Variants in FAM168A observed in about 807,000 individuals in gnomAD.
FAM168A encodes the protein family with sequence similarity 168 member A, also known as protein FAM168A.
Under a neutral mutation model 28.5 loss-of-function variants are expected in FAM168A, and 3 were observed. That is an observed-to-expected ratio of 0.11 (90% CI 0.05 to 0.27). FAM168A has a LOEUF of 0.27. FAM168A is among the 10% of genes least tolerant of loss of function. The pLI, the probability that FAM168A is intolerant of heterozygous loss-of-function variation, is 1.00. For synonymous variants in FAM168A, 122 were observed against 124.2 expected (o/e 0.98, Z 0.12); for missense variants, 222 against 311.5 (o/e 0.71, Z 2.16).
chr11:73,555,433 G>A (rs977407693), intron 1 of FAM168A, among the ~76,000 whole-genome samples: 6 of 152,048 alleles, frequency 3.9e-5, no homozygotes, highest in Admixed American at 3.3e-4. Flanking sequence ...AAGGCACAAA[G>A]GAAAAATGGG....
intron 1 of FAM168A, chr11:73,580,347 G>T: frequency 1.7e-6 from 1 of 588,848 alleles, no homozygotes; most frequent in Non-Finnish European, 3.3e-6. Flanking sequence ...TGCTAAACCT[G>T]CTCCTCCAAA....
chr11:73,508,122 AG>A (rs1436058321), intron 1 of FAM168A, among the ~76,000 whole-genome samples: 5 of 152,174 alleles, frequency 3.3e-5, no homozygotes, highest in Non-Finnish European at 7.3e-5. Context: ...CTGATGTAAG[AG>A]TTAAATGAAA....
At chr11:73,407,975 G>T (rs181771207) in intron 6 of FAM168A, among the ~76,000 whole-genome samples, 2 of 152,170 alleles carry the variant, frequency 1.3e-5, no homozygotes, top group Non-Finnish European at 2.9e-5. Flanking sequence ...GAGTTCAAGC[G>T]ATTCTCCCGC....
At chr11:73,553,041 CA>C (rs1367129061) in intron 1 of FAM168A, among the ~76,000 whole-genome samples, 3 of 151,998 alleles carry the variant, frequency 2.0e-5, no homozygotes, top group African/African-American at 7.3e-5. Context: ...AGTAGCCATT[CA>C]ATAATATATT....
intron 1 of FAM168A, among the ~76,000 whole-genome samples, chr11:73,593,320 G>C (rs547062007): frequency 6.6e-6 from 1 of 152,182 alleles, no homozygotes; most frequent in South Asian, 2.1e-4. Context: ...GTGGGTTTAT[G>C]TTAAATATAC....
At chr11:73,445,339 T>C (rs1404237112) in intron 2 of FAM168A, among the ~76,000 whole-genome samples, 7 of 151,558 alleles carry the variant, frequency 4.6e-5, no homozygotes, top group Middle Eastern at 3.4e-3. Flanking sequence ...ATGTCATCTG[T>C]TCCAAATAAC....
intron 1 of FAM168A, among the ~76,000 whole-genome samples, chr11:73,518,068 A>G (rs1324478721): frequency 6.6e-6 from 1 of 152,240 alleles, no homozygotes; most frequent in Non-Finnish European, 1.5e-5. Flanking sequence ...TGAAGAAACT[A>G]CATTTTTAAA....
chr11:73,581,960 G>A (rs1229529395), intron 1 of FAM168A, among the ~76,000 whole-genome samples: 9 of 151,726 alleles, frequency 5.9e-5, no homozygotes, highest in South Asian at 2.1e-4. Context: ...CTTGTGATCC[G>A]CCCACCTCGG....
At chr11:73,473,556 C>T (rs1160363092) in intron 1 of FAM168A, among the ~76,000 whole-genome samples, 1 of 152,176 alleles carries the variant, frequency 6.6e-6, no homozygotes, top group Non-Finnish European at 1.5e-5. Flanking sequence ...CTACCACTAT[C>T]TTTTTGTTTT....
chr11:73,482,764 A>G (rs1458165972), intron 1 of FAM168A, among the ~76,000 whole-genome samples: 1 of 151,724 alleles, frequency 6.6e-6, no homozygotes, highest in Non-Finnish European at 1.5e-5. Flanking sequence ...TTTGAGACAG[A>G]GTCTCGCTCT....
chr11:73,532,957 C>T (rs1481966930), intron 1 of FAM168A, among the ~76,000 whole-genome samples: 1 of 152,202 alleles, frequency 6.6e-6, no homozygotes, highest in African/African-American at 2.4e-5. Context: ...CAGGCTACTA[C>T]AGGATCAAAT....
intron 1 of FAM168A, among the ~76,000 whole-genome samples, chr11:73,547,041 C>G: frequency 6.9e-6 from 1 of 145,642 alleles, no homozygotes; most frequent in African/African-American, 2.6e-5. Context: ...AATCCTAGCA[C>G]TGGGAGGCCA....
rs564411184 is a variant in FAM168A, at chr11:73,411,526, C to T, written c.288G>A (p.Ala96=). 3.8e-5 allele frequency: 61 copies of T among 1,614,020 alleles called. 1 individual carries two copies. In the South Asian group the frequency reaches 4.7e-4, roughly 12 times the overall value. Residue 96 remains alanine, a synonymous_variant, in exon 5 of 8, where the codon GCG becomes GCA. Transcript: ENST00000356467. Reference sequence around the variant, plus strand: ...TCGGTGGGACCTTGTATGGTGTCCCCGCAGTATATCCTGTACCAAGGCAAT... The same window carrying T: ...TCGGTGGGACCTTGTATGGTGTCCCTGCAGTATATCCTGTACCAAGGCAAT... ...QASSAAFRYT[A]GTPYKVPPTQ...
At chr11:73,515,078 G>C (rs915001310) in intron 1 of FAM168A, among the ~76,000 whole-genome samples, 2 of 152,198 alleles carry the variant, frequency 1.3e-5, no homozygotes. Flanking sequence ...ACCTCAAGGA[G>C]TGATAGAGGT....
rs543088822 is a variant in FAM168A at position 73,405,960 on chromosome 11, T to A, written c.*803A>T. On this transcript the variant is annotated 3_prime_UTR_variant, in exon 8 of 8. Transcript: ENST00000356467. Reference sequence around the variant, plus strand: ...CCGCTTGGCAGGTCTAAGGACAAAATCACCTTTTGAGGAAGTGCCAGGTCA... The same window carrying A: ...CCGCTTGGCAGGTCTAAGGACAAAAACACCTTTTGAGGAAGTGCCAGGTCA... The A allele has an allele frequency of 6.6e-6, 1 of 152,548 alleles. No homozygotes were observed. Among genetic ancestry groups the A allele is most frequent in the South Asian group, 2.1e-4 (1 of 4,816 alleles). The allele number at this position is 152,548 out of a possible 1,614,324, so 9.4% of individuals were successfully genotyped here. A position where few individuals can be genotyped will look rare whatever the true frequency, so the allele number is the denominator to read the frequency against.
chr11:73,496,066 C>T (rs1854866629), intron 1 of FAM168A, among the ~76,000 whole-genome samples: 2 of 152,114 alleles, frequency 1.3e-5, no homozygotes, highest in South Asian at 4.1e-4. Context: ...ATGTTGTATA[C>T]ACACATGCAT....
intron 1 of FAM168A, among the ~76,000 whole-genome samples, chr11:73,593,705 A>G (rs897569332): frequency 6.6e-6 from 1 of 152,200 alleles, no homozygotes; most frequent in African/African-American, 2.4e-5. Context: ...GGCAACAACT[A>G]ATTTTTTTAA....
At chr11:73,451,376 G>A (rs1256939738) in intron 2 of FAM168A, among the ~76,000 whole-genome samples, 1 of 152,172 alleles carries the variant, frequency 6.6e-6, no homozygotes, top group African/African-American at 2.4e-5. Flanking sequence ...CTCTGAAAAG[G>A]CTTCGTTATT....
intron 1 of FAM168A, among the ~76,000 whole-genome samples, chr11:73,520,879 A>AT (rs770560963): frequency 2.6e-5 from 4 of 152,056 alleles, no homozygotes; most frequent in African/African-American, 4.8e-5. Flanking sequence ...CATCTGTTCA[A>AT]TCCCCCAAAG....
Sources: allele counts gnomAD v4.1 joint callset (sites outside exome capture counted in the v4.1 genomes callset), GRCh38; gene constraint gnomAD v4.1.1; transcripts MANE v1.5; gene names NCBI Gene and HGNC (gene_info 2026-07-23, HGNC 2026-07-21).